IQSEC1: variants seen among roughly 807,000 people sequenced by gnomAD.
IQSEC1 encodes the protein IQ motif and Sec7 domain ArfGEF 1.
Under a neutral mutation model 91.0 loss-of-function variants are expected in IQSEC1, and 31 were observed. The ratio of observed to expected loss-of-function variants is 0.34; its 90% CI spans 0.26 to 0.46. The LOEUF is 0.46. Among genes scored for constraint, IQSEC1 ranks in the 20% least tolerant of loss-of-function variants. IQSEC1 has a pLI of 1.00. For synonymous variants in IQSEC1, 699 were observed against 662.6 expected (o/e 1.05, Z -0.84); for missense variants, 1,388 against 1,575.6 (o/e 0.88, Z 2.02).
intron 1 of IQSEC1, among the ~76,000 whole-genome samples, chr3:12,966,485 G>A (rs1227314540): frequency 6.6e-6 from 1 of 152,136 alleles, no homozygotes; most frequent in Non-Finnish European, 1.5e-5. Flanking sequence ...TAGCTCAGGG[G>A]GCAGCTGTGC....
At chr3:13,043,213 G>A (rs759096031) in intron 1 of IQSEC1, among the ~76,000 whole-genome samples, 2 of 152,210 alleles carry the variant, frequency 1.3e-5, no homozygotes, top group African/African-American at 4.8e-5. Context: ...GTTGGGCAGA[G>A]GGACCCCAGG....
intron 1 of IQSEC1, among the ~76,000 whole-genome samples, chr3:13,044,687 C>CCG (rs1298087840): frequency 5.9e-5 from 9 of 152,246 alleles, no homozygotes; most frequent in African/African-American, 2.4e-5. Flanking sequence ...CACTCCTCCC[C>CCG]CGCCCCCCCA....
intron 1 of IQSEC1, among the ~76,000 whole-genome samples, chr3:13,240,190 G>A (rs1232226733): frequency 3.9e-5 from 6 of 151,932 alleles, no homozygotes; most frequent in Non-Finnish European, 5.9e-5. Flanking sequence ...ACCAGCCTGG[G>A]CAACATAGCA....
Position 13,159,576 on chromosome 3 carries a change from G to A in IQSEC1, c.302+4528C>T, listed in dbSNP as rs145206049. 1.5e-4 allele frequency among the ~76,000 whole-genome samples: 23 copies of A among 152,262 alleles called. No individual in the cohort carries two copies. In the East Asian group the frequency reaches 3.3e-3, roughly 22 times the overall value. ...TGCACAGCATCCCACCTTTGCACTCGAAATCCACGTCATCCTAGGCAAGCT... is the reference window on the plus strand; with the variant it reads ...TGCACAGCATCCCACCTTTGCACTCAAAATCCACGTCATCCTAGGCAAGCT... On this transcript the variant is annotated intron_variant, in intron 2 of 15. Transcript: ENST00000648114.
At chr3:13,094,931 G>A (rs521547) in intron 2 of IQSEC1, among the ~76,000 whole-genome samples, 16,920 of 152,162 alleles carry the variant, frequency 0.11, 1,138 homozygotes, top group African/African-American at 0.19. Context: ...CAGGCCACAC[G>A]CTGAGAGAGG....
intron 1 of IQSEC1, among the ~76,000 whole-genome samples, chr3:13,276,244 G>A (rs955842887): frequency 1.5e-4 from 22 of 151,682 alleles, no homozygotes; most frequent in African/African-American, 2.9e-4. Context: ...GCCTGCCACT[G>A]CGCCAGGCTA....
rs536752066 is a variant in IQSEC1 at position 12,973,341 on chromosome 3, G to C, written c.24-31476C>G. ...CCTGGGTTGTTGCTTCATTTGATTG[G>C]CAATCTCTTATTCAACCTTCAAAGC... On this transcript the variant is annotated intron_variant, in intron 1 of 13. Coordinates refer to ENST00000613206, the MANE Select transcript of IQSEC1 (RefSeq NM_001134382.3). 1.1e-4 allele frequency among the ~76,000 whole-genome samples: 16 copies of C among 152,222 alleles called. No individual in the cohort carries two copies. In the South Asian group the frequency reaches 3.3e-3, roughly 32 times the overall value.
At chr3:13,069,173 T>G (rs1436508103) in intron 1 of IQSEC1, among the ~76,000 whole-genome samples, 1 of 152,128 alleles carries the variant, frequency 6.6e-6, no homozygotes, top group Non-Finnish European at 1.5e-5. Flanking sequence ...TTTTTAATAG[T>G]GATCACTGCA....
chr3:13,242,945 G>A (rs1400853800), intron 1 of IQSEC1, among the ~76,000 whole-genome samples: 1 of 152,110 alleles, frequency 6.6e-6, no homozygotes, highest in Admixed American at 6.5e-5. Flanking sequence ...CATGTGGGGG[G>A]CCCTACGGGA....
chr3:12,999,024 T>TTGCATGTATTACTACA (rs921160471), intron 1 of IQSEC1, among the ~76,000 whole-genome samples: 3 of 152,232 alleles, frequency 2.0e-5, no homozygotes, highest in Admixed American at 6.5e-5. Context: ...TAAGTATTTT[T>TTGCATGTATTACTACA]TGCATGTATT....
intron 2 of IQSEC1, among the ~76,000 whole-genome samples, chr3:13,091,620 G>C (rs943474770): frequency 6.6e-6 from 1 of 152,154 alleles, no homozygotes; most frequent in Non-Finnish European, 1.5e-5. Flanking sequence ...CAGGTGGGAC[G>C]GGCCCACAAT....
At chr3:13,167,966 G>A (rs1693530191) in intron 1 of IQSEC1, among the ~76,000 whole-genome samples, 2 of 152,216 alleles carry the variant, frequency 1.3e-5, no homozygotes, top group South Asian at 4.1e-4. Context: ...GCTCCCGGCT[G>A]GAAGGGAACA....
chr3:13,090,060 C>CAA (rs55704739), intron 2 of IQSEC1, among the ~76,000 whole-genome samples: 50,288 of 151,512 alleles, frequency 0.33, 8,563 homozygotes, highest in Middle Eastern at 0.55. Context: ...CTAAAAAATA[C>CAA]AAAAAATATT....
At chr3:12,991,559 G>A (rs971102510) in intron 1 of IQSEC1, among the ~76,000 whole-genome samples, 13 of 152,198 alleles carry the variant, frequency 8.5e-5, no homozygotes, top group Non-Finnish European at 1.5e-4. Context: ...AGGGGCAGGG[G>A]GAGTGATGAG....
At chr3:13,254,354 C>T (rs1695250390) in intron 1 of IQSEC1, among the ~76,000 whole-genome samples, 1 of 152,220 alleles carries the variant, frequency 6.6e-6, no homozygotes, top group Non-Finnish European at 1.5e-5. Flanking sequence ...GGCAGTGCCA[C>T]AAGGGCGCCA....
At chr3:13,073,436 G>C (rs1441777457), upstream of IQSEC1, among the ~76,000 whole-genome samples, 1 of 152,120 alleles carries the variant, frequency 6.6e-6, no homozygotes, top group Non-Finnish European at 1.5e-5. Context: ...ATCCGGAGAA[G>C]GGGCGGGCGC....
At chr3:12,913,676 A>G (rs41293395) in intron 8 of IQSEC1, 123 bp from the exon 9 acceptor site, 3 of 914,452 alleles carry the variant, frequency 3.3e-6, no homozygotes, top group East Asian at 3.1e-5. Context: ...GAGTTAAAAA[A>G]TGCCTTCCCT....
At chr3:13,032,675 G>A (rs973979362) in intron 1 of IQSEC1, among the ~76,000 whole-genome samples, 25 of 151,092 alleles carry the variant, frequency 1.7e-4, no homozygotes, top group African/African-American at 5.4e-4. Context: ...GCTCCACCTC[G>A]CAGGTTCACG....
At chr3:13,118,110 T>C (rs940716746) in intron 2 of IQSEC1, among the ~76,000 whole-genome samples, 1 of 152,160 alleles carries the variant, frequency 6.6e-6, no homozygotes, top group African/African-American at 2.4e-5. Flanking sequence ...GGCTATTGAA[T>C]GTCTCCAACA....
Sources: allele counts gnomAD v4.1 joint callset (sites outside exome capture counted in the v4.1 genomes callset), GRCh38; gene constraint gnomAD v4.1.1; transcripts MANE v1.5; gene names NCBI Gene and HGNC (gene_info 2026-07-23, HGNC 2026-07-21).